LIN52: variants seen among roughly 807,000 people sequenced by gnomAD.
LIN52 encodes lin-52 DREAM MuvB core complex component.
Under a neutral mutation model 18.5 loss-of-function variants are expected in LIN52, and 4 were observed. That is an observed-to-expected ratio of 0.22 (90% CI 0.11 to 0.49). The LOEUF (loss-of-function observed/expected upper bound fraction) is 0.49. LIN52 is among the 20% of genes least tolerant of loss of function. The pLI is 0.97. For missense variants in LIN52, 102 were observed against 139.5 expected (o/e 0.73, Z 1.35); for synonymous variants, 34 against 45.5 (o/e 0.75, Z 1.02).
intron 5 of LIN52, among the ~76,000 whole-genome samples, chr14:74,118,610 C>CA (rs1343167479): frequency 1.3e-5 from 2 of 151,846 alleles, no homozygotes; most frequent in African/African-American, 4.8e-5. Flanking sequence ...CCAGTGTCTA[C>CA]AAAAAATACA....
chr14:74,094,385 G>A (rs1012271660), intron 2 of LIN52, among the ~76,000 whole-genome samples: 3 of 151,878 alleles, frequency 2.0e-5, no homozygotes, highest in Non-Finnish European at 4.4e-5. Context: ...TCAGCCTCCT[G>A]AGTAGCTGGG....
At chr14:74,182,466 G>C (rs1417986541) in intron 5 of LIN52, among the ~76,000 whole-genome samples, 2 of 152,072 alleles carry the variant, frequency 1.3e-5, no homozygotes, top group African/African-American at 4.8e-5. Context: ...TAAATTATCA[G>C]CTAAGTAATG....
intron 5 of LIN52, among the ~76,000 whole-genome samples, chr14:74,125,238 A>G (rs2061022024): frequency 6.6e-6 from 1 of 152,184 alleles, no homozygotes; most frequent in Non-Finnish European, 1.5e-5. Flanking sequence ...CCAACAGTGT[A>G]AAAGTGTTCC....
chr14:74,151,189 T>C (rs1180171942), intron 5 of LIN52, among the ~76,000 whole-genome samples: 1 of 152,140 alleles, frequency 6.6e-6, no homozygotes, highest in African/African-American at 2.4e-5. Context: ...GTAGCAACTT[T>C]TTTCGGTGGG....
chr14:74,165,226 T>C (rs1457377834), intron 5 of LIN52, among the ~76,000 whole-genome samples: 1 of 151,944 alleles, frequency 6.6e-6, no homozygotes, highest in African/African-American at 2.4e-5. Context: ...AGATAGGAGA[T>C]AGGATGCATG....
In LIN52 at chr14:74,091,311, GT is replaced by G; in HGVS notation, c.94+10del. 1 of 1,600,556 alleles carries G rather than the reference GT, an allele frequency of 6.2e-7. No homozygotes were observed. Among genetic ancestry groups the G allele is most frequent in the Non-Finnish European group, 8.6e-7 (1 of 1,169,360 alleles). ...CAGATCTTTGGCCAGAACAATGTAA[GT>G]TTTTGCCTTCTTTATATCAGAGTCA... On this transcript the variant is annotated splice_donor_region_variant and intron_variant, in intron 2 of 5. Coordinates refer to ENST00000555028, the MANE Select transcript of LIN52 (RefSeq NM_001024674.3).
At chr14:74,197,925 G>C (rs988199885) in intron 5 of LIN52, among the ~76,000 whole-genome samples, 4 of 152,210 alleles carry the variant, frequency 2.6e-5, no homozygotes, top group African/African-American at 9.7e-5. Context: ...TCATTCCTGA[G>C]AGTGCCTCCC....
At chr14:74,097,242 T>C (rs547988190) in intron 3 of LIN52, among the ~76,000 whole-genome samples, 1 of 152,292 alleles carries the variant, frequency 6.6e-6, no homozygotes, top group African/African-American at 2.4e-5. Context: ...TCAGTAATAG[T>C]GGTCATACCT....
At chr14:74,175,099 T>G (rs1270789046) in intron 5 of LIN52, among the ~76,000 whole-genome samples, 1 of 151,452 alleles carries the variant, frequency 6.6e-6, no homozygotes, top group Non-Finnish European at 1.5e-5. Flanking sequence ...TGGAAGTTGT[T>G]CTGGGTTAGT....
intron 5 of LIN52, among the ~76,000 whole-genome samples, chr14:74,121,357 A>G (rs911373847): frequency 1.6e-4 from 25 of 152,230 alleles, no homozygotes; most frequent in African/African-American, 5.3e-4. Flanking sequence ...AATGATTTTC[A>G]TGCATGTAAC....
chr14:74,126,375 T>C (rs1053571597), intron 5 of LIN52, among the ~76,000 whole-genome samples: 2 of 152,204 alleles, frequency 1.3e-5, no homozygotes, highest in Non-Finnish European at 2.9e-5. Flanking sequence ...AGCAATTCCA[T>C]TGCTAGGTTT....
chr14:74,130,278 G>GTTTGTTTGTTTTTTTTTTTTTTTT (rs1555382571), intron 5 of LIN52, among the ~76,000 whole-genome samples: 2 of 64,842 alleles, frequency 3.1e-5, no homozygotes, highest in African/African-American at 1.3e-4. Flanking sequence ...GCATTTTTTG[G>GTTTGTTTGTTTTTTTTTTTTTTTT]TTTTTTTTTT....
chr14:74,131,008 C>A (rs10136598), intron 5 of LIN52, among the ~76,000 whole-genome samples: 5 of 151,004 alleles, frequency 3.3e-5, no homozygotes, highest in African/African-American at 9.7e-5. Context: ...GCTGGTCTCC[C>A]ACTCCTGGGC....
intron 3 of LIN52, 109 bp from the exon 4 acceptor site, chr14:74,097,685 C>A: frequency 1.4e-6 from 1 of 724,328 alleles, no homozygotes; most frequent in Non-Finnish European, 2.3e-6. Flanking sequence ...TCAAGTAATC[C>A]GCCCACCTTG....
At chr14:74,145,356 A>G (rs183569487) in intron 5 of LIN52, among the ~76,000 whole-genome samples, 3 of 152,182 alleles carry the variant, frequency 2.0e-5, no homozygotes, top group Non-Finnish European at 4.4e-5. Context: ...TTGCCTCTCC[A>G]GTATTAACAG....
At chr14:74,087,367 G>C (rs1407870315) in intron 1 of LIN52, among the ~76,000 whole-genome samples, 2 of 135,010 alleles carry the variant, frequency 1.5e-5, no homozygotes, top group South Asian at 2.3e-4. Flanking sequence ...AGTGAGCCGA[G>C]ATCACGCCAC....
rs1156426539 is a variant in LIN52 at position 74,200,952 on chromosome 14, C to T, written c.*1975C>T. On this transcript the variant is annotated 3_prime_UTR_variant, in exon 6 of 6. Coordinates refer to ENST00000555028, the MANE Select transcript of LIN52 (RefSeq NM_001024674.3). ...GATTGGGATACCTCCCCCAAACCAA[C>T]TCAAGTCTGTAACTGGAAGCCAGGT... The T allele has an allele frequency of 1.3e-5, 2 of 152,202 alleles. No homozygotes were observed. Among genetic ancestry groups the T allele is most frequent in the East Asian group, 3.9e-4 (2 of 5,192 alleles). 9.4% of individuals were successfully genotyped at this position (152,202 alleles called of 1,614,324 possible).
intron 2 of LIN52, among the ~76,000 whole-genome samples, chr14:74,092,843 G>A (rs2060782366): frequency 6.6e-6 from 1 of 151,706 alleles, no homozygotes. Flanking sequence ...CCTGAACCCG[G>A]GAGGCGGAGG....
At chr14:74,095,149 GTTTTTTT>G (rs35455851) in intron 2 of LIN52, among the ~76,000 whole-genome samples, 2 of 103,740 alleles carry the variant, frequency 1.9e-5, no homozygotes, top group South Asian at 7.6e-4. Context: ...CCAACTAACT[GTTTTTTT>G]TTTTTTTTTT....
Sources: allele counts gnomAD v4.1 joint callset (sites outside exome capture counted in the v4.1 genomes callset), GRCh38; gene constraint gnomAD v4.1.1; transcripts MANE v1.5; gene names NCBI Gene and HGNC (gene_info 2026-07-23, HGNC 2026-07-21).